Variants in DHRSX observed in about 807,000 individuals in gnomAD.
DHRSX encodes dehydrogenase/reductase X-linked, also known as polyprenol dehydrogenase.
Under a neutral mutation model 34.0 loss-of-function variants are expected in DHRSX, and 31 were observed. The observed-to-expected ratio is 0.91, with a 90% CI of 0.69 to 1.23. The LOEUF is 1.23. Among genes scored for constraint, DHRSX ranks in the 50% most tolerant of loss-of-function variants. The probability of loss-of-function intolerance (pLI) is 0.00; values close to 1 mark genes in which losing one functional copy is unlikely to be tolerated. For synonymous variants in DHRSX, 201 were observed against 183.8 expected (o/e 1.09, Z -0.76); for missense variants, 414 against 428.1 (o/e 0.97, Z 0.29).
At chrX:2,488,363 C>G in intron 1 of DHRSX, 1 of 424,392 alleles carries the variant, frequency 2.4e-6, no homozygotes. Flanking sequence ...TTAGTAGAGA[C>G]GGGGTTTCGC....
intron 5 of DHRSX, among the ~76,000 whole-genome samples, chrX:2,260,011 G>A (rs67066237): frequency 0.25 from 38,419 of 151,234 alleles, 6,355 homozygotes; most frequent in African/African-American, 0.45. Flanking sequence ...CACTACAATT[G>A]TATCCAGTTC....
chrX:2,495,061 A>ATTC (rs960594827), intron 1 of DHRSX, among the ~76,000 whole-genome samples: 10 of 151,032 alleles, frequency 6.6e-5, no homozygotes, highest in Non-Finnish European at 1.5e-4. Context: ...TATTATTATT[A>ATTC]TTGTTATTAT....
chrX:2,465,349 C>A (rs1273183959), intron 1 of DHRSX, among the ~76,000 whole-genome samples: 1 of 152,116 alleles, frequency 6.6e-6, no homozygotes, highest in Non-Finnish European at 1.5e-5. Context: ...AGGATCTAAT[C>A]GCTTTCTAAA....
At chrX:2,493,226 T>A (rs750509928) in intron 1 of DHRSX, among the ~76,000 whole-genome samples, 2 of 152,260 alleles carry the variant, frequency 1.3e-5, no homozygotes, top group Admixed American at 1.3e-4. Flanking sequence ...GTGGGGCCCC[T>A]GGATTACACA....
At chrX:2,462,785 C>T (rs1314359347) in intron 1 of DHRSX, among the ~76,000 whole-genome samples, 1 of 151,438 alleles carries the variant, frequency 6.6e-6, no homozygotes, top group African/African-American at 2.4e-5. Context: ...GTGTCTCCTC[C>T]TTCTTGGAAA....
chrX:2,457,968 T>C (rs2044332791), intron 1 of DHRSX, among the ~76,000 whole-genome samples: 1 of 150,370 alleles, frequency 6.7e-6, no homozygotes, highest in Non-Finnish European at 1.5e-5. Flanking sequence ...CCTAAGCTTG[T>C]GGCTAAGGGA....
chrX:2,256,627 T>A (rs1174378982), intron 5 of DHRSX, among the ~76,000 whole-genome samples: 1 of 152,196 alleles, frequency 6.6e-6, no homozygotes, highest in African/African-American at 2.4e-5. Context: ...AGACATGTTC[T>A]CTCATGTGTA....
At chrX:2,437,916 G>A (rs992151427) in intron 1 of DHRSX, among the ~76,000 whole-genome samples, 12 of 151,798 alleles carry the variant, frequency 7.9e-5, no homozygotes, top group African/African-American at 2.7e-4. Flanking sequence ...AAAACTCACC[G>A]GCAGAACAAT....
At chrX:2,443,164 C>G (rs756318070) in intron 1 of DHRSX, among the ~76,000 whole-genome samples, 1 of 152,202 alleles carries the variant, frequency 6.6e-6, no homozygotes, top group South Asian at 2.1e-4. Context: ...TCCAAAGTAG[C>G]TGGGAGCAGA....
chrX:2,437,473 G>A (rs916637136), intron 1 of DHRSX, among the ~76,000 whole-genome samples: 25 of 152,164 alleles, frequency 1.6e-4, no homozygotes, highest in Non-Finnish European at 2.9e-4. Context: ...GTGTGATGGT[G>A]TGCCCATGTG....
chrX:2,472,539 A>G (rs771298766), intron 1 of DHRSX, among the ~76,000 whole-genome samples: 28 of 152,198 alleles, frequency 1.8e-4, no homozygotes, highest in South Asian at 8.3e-4. Flanking sequence ...GGAGGCCAAG[A>G]TGGGTGGATC....
intron 3 of DHRSX, among the ~76,000 whole-genome samples, chrX:2,362,387 G>A (rs1161785505): frequency 2.6e-5 from 4 of 152,070 alleles, no homozygotes; most frequent in South Asian, 2.1e-4. Flanking sequence ...TGCAACCTCC[G>A]CCTCCCGGGT....
At chrX:2,308,379 C>G (rs1396216122) in intron 3 of DHRSX, among the ~76,000 whole-genome samples, 1 of 152,070 alleles carries the variant, frequency 6.6e-6, no homozygotes, top group Non-Finnish European at 1.5e-5. Context: ...GTTAAAACAA[C>G]TGTTCGACAA....
intron 1 of DHRSX, among the ~76,000 whole-genome samples, chrX:2,448,465 A>G (rs1372410226): frequency 1.3e-5 from 2 of 151,752 alleles, no homozygotes; most frequent in African/African-American, 4.9e-5. Flanking sequence ...TAGATTTTAC[A>G]TATTCTGACC....
intron 5 of DHRSX, among the ~76,000 whole-genome samples, chrX:2,251,851 G>T (rs749229004): frequency 5.9e-5 from 9 of 152,194 alleles, no homozygotes; most frequent in South Asian, 2.1e-4. Context: ...TAGCCATGGA[G>T]ACTTTGCAAA....
intron 1 of DHRSX, among the ~76,000 whole-genome samples, chrX:2,443,205 T>A (rs754374368): frequency 2.8e-4 from 43 of 151,926 alleles, no homozygotes; most frequent in African/African-American, 6.3e-4. Flanking sequence ...TAATTTTTTT[T>A]AAATTTTATA....
At chrX:2,448,012 T>A (rs1215686556) in intron 1 of DHRSX, among the ~76,000 whole-genome samples, 1 of 151,002 alleles carries the variant, frequency 6.6e-6, no homozygotes, top group East Asian at 2.0e-4. Flanking sequence ...CTGGGCAACG[T>A]AATGAAACCC....
chrX:2,413,617 T>C (rs2043658025), intron 2 of DHRSX, among the ~76,000 whole-genome samples: 1 of 152,322 alleles, frequency 6.6e-6, no homozygotes, highest in Non-Finnish European at 1.5e-5. Flanking sequence ...ATTTTACACG[T>C]TTCACATGTA....
At chrX:2,224,611 C>T (rs186606238) in intron 6 of DHRSX, among the ~76,000 whole-genome samples, 16 of 152,214 alleles carry the variant, frequency 1.1e-4, no homozygotes, top group South Asian at 2.1e-4. Flanking sequence ...GAAAAACACA[C>T]GCACACACAT....
Sources: gnomAD v4.1 joint callset for allele counts (sites outside exome capture counted in the v4.1 genomes callset) on GRCh38, gnomAD v4.1.1 for gene constraint, MANE v1.5 for transcripts, NCBI Gene and HGNC (gene_info 2026-07-23, HGNC 2026-07-21) for gene names.